Variants in FAM184B observed in about 807,000 individuals in gnomAD.
FAM184B encodes family with sequence similarity 184 member B.
FAM184B carries 111 observed loss-of-function variants against 135.9 expected under a neutral mutation model. The ratio of observed to expected loss-of-function variants is 0.82; its 90% confidence interval spans 0.70 to 0.96. The LOEUF (loss-of-function observed/expected upper bound fraction) is 0.96, where lower values mean the gene tolerates loss of function less well. FAM184B is among the 40% of genes least tolerant of loss of function. The probability of loss-of-function intolerance (pLI) is 0.00; values close to 1 mark genes in which losing one functional copy is unlikely to be tolerated. For missense variants in FAM184B, 1,375 were observed against 1,323.9 expected (o/e 1.04, Z -0.60); for synonymous variants, 552 against 524.8 (o/e 1.05, Z -0.71).
chr4:17,648,877 T>C (rs1411112587), intron 11 of FAM184B, among the ~76,000 whole-genome samples: 2 of 152,156 alleles, frequency 1.3e-5, no homozygotes, highest in African/African-American at 4.8e-5. Flanking sequence ...GACTGATTTC[T>C]AGTACACTAG....
At chr4:17,634,617 C>T (rs891084557) in intron 16 of FAM184B, among the ~76,000 whole-genome samples, 1 of 152,188 alleles carries the variant, frequency 6.6e-6, no homozygotes, top group African/African-American at 2.4e-5. Flanking sequence ...AGCCATTGCA[C>T]CCAGCCAAAA....
chr4:17,735,074 C>G (rs574101072), intron 1 of FAM184B, among the ~76,000 whole-genome samples: 1 of 151,472 alleles, frequency 6.6e-6, no homozygotes, highest in Non-Finnish European at 1.5e-5. Context: ...AGCAAACTAT[C>G]GCAAGGAGAA....
At chr4:17,653,925 G>GGAGAGAGAGAGAGAGAGAGA (rs140514998) in intron 10 of FAM184B, among the ~76,000 whole-genome samples, 8 of 131,266 alleles carry the variant, frequency 6.1e-5, no homozygotes, top group African/African-American at 2.2e-4. Flanking sequence ...AGAGAGGGAG[G>GGAGAGAGAGAGAGAGAGAGA]GGGAGGGGGA....
intron 1 of FAM184B, among the ~76,000 whole-genome samples, chr4:17,766,790 G>A (rs1718703640): frequency 6.6e-6 from 1 of 152,250 alleles, no homozygotes; most frequent in Non-Finnish European, 1.5e-5. Flanking sequence ...GTGCCTGCCA[G>A]TCCCGCGCAG....
chr4:17,650,623 G>A (rs895722781), intron 11 of FAM184B, among the ~76,000 whole-genome samples: 5 of 152,208 alleles, frequency 3.3e-5, no homozygotes, highest in Admixed American at 6.5e-5. Context: ...TGTACATGGG[G>A]AGCCTTGGAC....
At chr4:17,690,361 C>T (rs755710694) in intron 6 of FAM184B, among the ~76,000 whole-genome samples, 5 of 151,996 alleles carry the variant, frequency 3.3e-5, no homozygotes, top group East Asian at 1.9e-4. Context: ...GAGTGAAGGA[C>T]GGGACAGAGG....
At chr4:17,697,321 C>A (rs1716886323) in intron 5 of FAM184B, among the ~76,000 whole-genome samples, 1 of 152,170 alleles carries the variant, frequency 6.6e-6, no homozygotes, top group Non-Finnish European at 1.5e-5. Flanking sequence ...TACCTTTATA[C>A]TTCCTATGGG....
chr4:17,662,309 C>T (rs1034920398), intron 8 of FAM184B, among the ~76,000 whole-genome samples: 2 of 151,784 alleles, frequency 1.3e-5, no homozygotes, highest in African/African-American at 4.8e-5. Flanking sequence ...TAGAAATAAA[C>T]GTGCCCAAGG....
chr4:17,654,398 G>T (rs555198550), intron 10 of FAM184B, among the ~76,000 whole-genome samples: 183 of 152,150 alleles, frequency 1.2e-3, no homozygotes, highest in African/African-American at 4.2e-3. Context: ...TACCCAGCTG[G>T]TCTCAAATTC....
chr4:17,688,905 C>G lies in FAM184B; in HGVS notation c.1489-374G>C, dbSNP rs112591848. ...ACGGGGTTTCACCATGTTGCCCAGC[C>G]TGGTCTCAAACTCCTGACCTTAAGC... On this transcript the variant is annotated intron_variant, in intron 6 of 17. Transcript: ENST00000265018. Among the ~76,000 whole-genome samples the G allele has an allele frequency of 5.2e-3, 788 of 152,132 alleles. 9 individuals are homozygous for G. Among genetic ancestry groups the G allele is most frequent in the Non-Finnish European group, 8.9e-3 (602 of 67,978 alleles).
chr4:17,732,871 G>A (rs1477078176), intron 1 of FAM184B, among the ~76,000 whole-genome samples: 2 of 152,242 alleles, frequency 1.3e-5, no homozygotes, highest in Non-Finnish European at 2.9e-5. Context: ...AAGCCTGGCA[G>A]AGACACAACC....
intron 1 of FAM184B, among the ~76,000 whole-genome samples, chr4:17,765,507 T>C (rs531972884): frequency 1.3e-5 from 2 of 151,408 alleles, no homozygotes; most frequent in Admixed American, 1.3e-4. Flanking sequence ...TCACGATCCC[T>C]CGTATTGACA....
chr4:17,710,174 A>G (rs1208995198), intron 1 of FAM184B, among the ~76,000 whole-genome samples: 2 of 152,136 alleles, frequency 1.3e-5, no homozygotes, highest in African/African-American at 4.8e-5. Context: ...AAGTACAAAA[A>G]TTAGCTAAGT....
At chr4:17,684,374 G>C (rs1716529014) in intron 7 of FAM184B, among the ~76,000 whole-genome samples, 1 of 151,948 alleles carries the variant, frequency 6.6e-6, no homozygotes, top group African/African-American at 2.4e-5. Context: ...AGGGAACTCA[G>C]CAGGAAGAAG....
At chr4:17,726,230 T>G (rs1717636281) in intron 1 of FAM184B, among the ~76,000 whole-genome samples, 1 of 152,126 alleles carries the variant, frequency 6.6e-6, no homozygotes, top group Non-Finnish European at 1.5e-5. Flanking sequence ...GGCCCACTAA[T>G]CAAAACTCTT....
chr4:17,765,656 G>A (rs1718656294), intron 1 of FAM184B, among the ~76,000 whole-genome samples: 1 of 152,166 alleles, frequency 6.6e-6, no homozygotes, highest in Admixed American at 6.5e-5. Flanking sequence ...ACTGCCACCT[G>A]TTTATTCTGG....
intron 1 of FAM184B, among the ~76,000 whole-genome samples, chr4:17,717,989 T>G (rs1401650918): frequency 6.6e-6 from 1 of 152,200 alleles, no homozygotes; most frequent in Non-Finnish European, 1.5e-5. Context: ...AATGTTTTTA[T>G]GCTTAGCCTT....
At chr4:17,761,476 C>T (rs1265594169) in intron 1 of FAM184B, among the ~76,000 whole-genome samples, 1 of 152,236 alleles carries the variant, frequency 6.6e-6, no homozygotes, top group Non-Finnish European at 1.5e-5. Flanking sequence ...CAGATACTAA[C>T]ACCTGGCTCT....
chr4:17,679,367 A>G (rs922056177), intron 7 of FAM184B, among the ~76,000 whole-genome samples: 1 of 152,212 alleles, frequency 6.6e-6, no homozygotes, highest in African/African-American at 2.4e-5. Flanking sequence ...AAGGACATGA[A>G]TAGACAATTC....
Sources: gnomAD v4.1 joint callset for allele counts (sites outside exome capture counted in the v4.1 genomes callset) on GRCh38, gnomAD v4.1.1 for gene constraint, MANE v1.5 for transcripts, NCBI Gene and HGNC (gene_info 2026-07-23, HGNC 2026-07-21) for gene names.